The following NKD1 variants were observed in gnomAD, a reference collection of about 807,000 sequenced individuals.
The protein encoded by NKD1 is NKD inhibitor of Wnt signaling pathway 1.
In NKD1, 21 loss-of-function variants were observed where a neutral mutation model predicts 56.0. That is an observed-to-expected ratio of 0.38 (90% confidence interval 0.27 to 0.54). The LOEUF (loss-of-function observed/expected upper bound fraction) is 0.54, where lower values mean the gene tolerates loss of function less well. Ranked by LOEUF, NKD1 falls within the 20% of genes least tolerant of loss-of-function variation. NKD1 has a pLI of 0.82. For synonymous variants in NKD1, 263 were observed against 265.7 expected (o/e 0.99, Z 0.10); for missense variants, 578 against 642.7 (o/e 0.90, Z 1.09).
chr16:50,620,267 C>T (rs958308789), intron 4 of NKD1, among the ~76,000 whole-genome samples: 1 of 152,284 alleles, frequency 6.6e-6, no homozygotes, highest in African/African-American at 2.4e-5. Flanking sequence ...CTGGGGGCAT[C>T]TCCACTGTGC....
chr16:50,631,094 T>C (rs1962334822), intron 8 of NKD1, among the ~76,000 whole-genome samples, 184 bp downstream of exon 8: 1 of 152,230 alleles, frequency 6.6e-6, no homozygotes. Flanking sequence ...CACATCCTTT[T>C]ATGGAACACA....
At chr16:50,572,524 T>G (rs1274553887) in intron 3 of NKD1, among the ~76,000 whole-genome samples, 1 of 152,130 alleles carries the variant, frequency 6.6e-6, no homozygotes. Context: ...GAACCCCGTG[T>G]GTTACGTGGG....
intron 3 of NKD1, among the ~76,000 whole-genome samples, chr16:50,597,074 T>G (rs572010196): frequency 6.7e-6 from 1 of 150,364 alleles, no homozygotes; most frequent in South Asian, 2.1e-4. Context: ...TTTGGGGAAT[T>G]GGGTAGGGGT....
At chr16:50,548,930 C>G (rs1003799034) in intron 2 of NKD1, 181 bp downstream of exon 2, 153 of 945,676 alleles carry the variant, frequency 1.6e-4, no homozygotes, top group Admixed American at 1.2e-4. Context: ...CCCTCCTACC[C>G]GCTCCCCGCG....
At chr16:50,622,538 G>C (rs143554741) in intron 5 of NKD1, among the ~76,000 whole-genome samples, 15 of 152,284 alleles carry the variant, frequency 9.9e-5, no homozygotes, top group African/African-American at 2.9e-4. Flanking sequence ...CATAGCTCTA[G>C]AGTCAGCAGG....
intron 4 of NKD1, among the ~76,000 whole-genome samples, chr16:50,619,540 T>G (rs1962039925): frequency 6.6e-6 from 1 of 152,218 alleles, no homozygotes; most frequent in Non-Finnish European, 1.5e-5. Flanking sequence ...AATGCTTTTG[T>G]GTCCATTTGC....
chr16:50,571,570 T>G, intron 3 of NKD1: 2 of 982,244 alleles, frequency 2.0e-6, no homozygotes, highest in Non-Finnish European at 2.4e-6. Flanking sequence ...TCTCCATTCA[T>G]CTGTTGCTCA....
At chr16:50,601,182 G>A (rs964446176) in intron 3 of NKD1, among the ~76,000 whole-genome samples, 2 of 152,208 alleles carry the variant, frequency 1.3e-5, no homozygotes, top group Admixed American at 6.5e-5. Context: ...AGGGGCCCGC[G>A]ATACAGCAGG....
chr16:50,624,593 G>A (rs1276745240), intron 5 of NKD1, among the ~76,000 whole-genome samples: 1 of 152,196 alleles, frequency 6.6e-6, no homozygotes, highest in Admixed American at 6.5e-5. Context: ...ATGGCACTGG[G>A]AGCAGGCAGT....
intron 3 of NKD1, among the ~76,000 whole-genome samples, chr16:50,560,136 A>G (rs1344377394): frequency 6.6e-6 from 1 of 152,182 alleles, no homozygotes; most frequent in Admixed American, 6.5e-5. Flanking sequence ...CAAAAAGATG[A>G]TTGAAGAGAA....
intron 4 of NKD1, among the ~76,000 whole-genome samples, chr16:50,620,483 C>T (rs1340244944): frequency 6.6e-6 from 1 of 152,204 alleles, no homozygotes; most frequent in Non-Finnish European, 1.5e-5. Context: ...GACCCCCTGG[C>T]CACCCTTGGG....
In NKD1 at chr16:50,620,141, T is replaced by C. The variant is rs987430309; in HGVS notation, c.260-1461T>C. Reference sequence around the variant, plus strand: ...CTTAGTCATTGCTGCCTCATCTTTATGTACAGTGGCGCCAAGGCGCAAGGA... The same window carrying C: ...CTTAGTCATTGCTGCCTCATCTTTACGTACAGTGGCGCCAAGGCGCAAGGA... On this transcript the variant is annotated intron_variant, in intron 4 of 9. Coordinates refer to ENST00000268459, the MANE Select transcript of NKD1 (RefSeq NM_033119.5). Among the ~76,000 whole-genome samples the C allele has an allele frequency of 3.3e-5, 5 of 152,402 alleles. No individual in the cohort carries two copies. The South Asian group carries it at 1.0e-3, about 32-fold the overall frequency.
intron 3 of NKD1, among the ~76,000 whole-genome samples, chr16:50,567,165 AAG>A (rs1215735731): frequency 6.6e-6 from 1 of 152,116 alleles, no homozygotes; most frequent in Non-Finnish European, 1.5e-5. Flanking sequence ...TACCTATAAA[AAG>A]AGGAACAGAA....
chr16:50,591,345 T>C (rs545130311), intron 3 of NKD1, among the ~76,000 whole-genome samples: 1 of 152,122 alleles, frequency 6.6e-6, no homozygotes, highest in African/African-American at 2.4e-5. Context: ...TGATGCAGAG[T>C]TGAGGGAAGC....
At chr16:50,631,579 G>T (rs978279424) in intron 8 of NKD1, among the ~76,000 whole-genome samples, 2 of 152,198 alleles carry the variant, frequency 1.3e-5, no homozygotes, top group Non-Finnish European at 2.9e-5. Flanking sequence ...TGGGGACAGG[G>T]CTGAGAATCA....
At chr16:50,577,622 G>T (rs560036539) in intron 3 of NKD1, among the ~76,000 whole-genome samples, 7 of 152,280 alleles carry the variant, frequency 4.6e-5, no homozygotes, top group Admixed American at 4.6e-4. Flanking sequence ...TATTTATCTT[G>T]CATAACTGAA....
chr16:50,610,439 T>C (rs1961818664), intron 4 of NKD1, among the ~76,000 whole-genome samples: 1 of 151,964 alleles, frequency 6.6e-6, no homozygotes, highest in Non-Finnish European at 1.5e-5. Context: ...GGGTGGGGGA[T>C]ATGGTGTGGA....
chr16:50,549,322 G>C (rs186343603), intron 2 of NKD1, 100 bp from the exon 3 acceptor site: 2 of 1,462,984 alleles, frequency 1.4e-6, no homozygotes, highest in East Asian at 2.4e-5. Flanking sequence ...CCCCCGTGCC[G>C]TGGTCCTTCG....
At chr16:50,597,421 G>T (rs780350602) in intron 3 of NKD1, among the ~76,000 whole-genome samples, 1 of 152,196 alleles carries the variant, frequency 6.6e-6, no homozygotes, top group Non-Finnish European at 1.5e-5. Flanking sequence ...TGGAAAAACC[G>T]CTTTGGAAAA....
Sources: allele counts gnomAD v4.1 joint callset (sites outside exome capture counted in the v4.1 genomes callset), GRCh38; gene constraint gnomAD v4.1.1; transcripts MANE v1.5; gene names NCBI Gene and HGNC (gene_info 2026-07-23, HGNC 2026-07-21).